Variants in AQP2 observed in about 807,000 individuals in gnomAD.
AQP2 encodes aquaporin 2.
AQP2 carries 20 observed loss-of-function variants against 21.6 expected under a neutral mutation model. That is an observed-to-expected ratio of 0.92 (90% CI 0.65 to 1.34). The LOEUF is 1.34. AQP2 is among the 40% of genes most tolerant of loss of function. The pLI, the probability that AQP2 is intolerant of heterozygous loss-of-function variation, is 0.00. For synonymous variants in AQP2, 168 were observed against 166.9 expected, an observed-to-expected ratio of 1.01 and a Z score of -0.05; for missense variants, 325 against 363.4, an observed-to-expected ratio of 0.89 and a Z score of 0.86.
At chr12:49,952,256 ACGCC>A (rs1947335735) in intron 1 of AQP2, among the ~76,000 whole-genome samples, 1 of 152,026 alleles carries the variant, frequency 6.6e-6, no homozygotes, top group Non-Finnish European at 1.5e-5. Flanking sequence ...ATGGGATTAC[ACGCC>A]TGTAATCCCA....
Position 49,957,449 on chromosome 12 carries a change from A to C in AQP2, c.*1841A>C, listed in dbSNP as rs1947380414. ...CCATGCCTTCAAGACTTCTGTCTGT[A>C]TCTATCTCACACTGCACCAAGCACC... On this transcript the variant is annotated 3_prime_UTR_variant, in exon 4 of 4. Transcript: ENST00000199280. The C allele has an allele frequency of 6.6e-6, 1 of 152,280 alleles. No homozygotes were observed. The highest frequency in any genetic ancestry group is 1.5e-5 in the Non-Finnish European group (1 of 68,188). 9.4% of individuals were successfully genotyped at this position (152,280 alleles called of 1,614,324 possible).
At chr12:49,952,101 G>C (rs545159975) in intron 1 of AQP2, 2 of 152,526 alleles carry the variant, frequency 1.3e-5, no homozygotes, top group South Asian at 4.2e-4. Context: ...GTGGGACAGA[G>C]GTATCCCAAT....
At chr12:49,951,553 A>T (rs1947330430) in intron 1 of AQP2, 1 of 273,540 alleles carries the variant, frequency 3.7e-6, no homozygotes, top group African/African-American at 2.2e-5. Context: ...GGAGCCTTGG[A>T]GTGATCATCA....
At chr12:49,951,398 A>C in intron 1 of AQP2, 1 of 720,530 alleles carries the variant, frequency 1.4e-6, no homozygotes, top group Non-Finnish European at 2.2e-6. Flanking sequence ...ATGCAGACAG[A>C]CTGCTGGCTT....
Position 49,951,034 on chromosome 12 carries a change from C to A in AQP2, c.204C>A (p.Asn68Lys). The change falls in exon 1 of 4, where the codon AAC becomes AAA. Residue 68 changes from asparagine to lysine, a missense_variant. Physicochemically the swap from Asn to Lys is moderately conservative, Grantham distance 94. Coordinates refer to ENST00000199280, the MANE Select transcript of AQP2 (RefSeq NM_000486.6). Reference sequence around the variant, plus strand: ...GCCACATAAGCGGGGCCCACATCAACCCTGCCGTGACTGTGGCCTGCCTGG... The same window carrying A: ...GCCACATAAGCGGGGCCCACATCAAACCTGCCGTGACTGTGGCCTGCCTGG... The part of the protein sequence containing the change: ...ALGHISGAHI[N>K]PAVTVACLVG... 6.2e-7 allele frequency: 1 copy of A among 1,614,000 alleles called. No homozygotes were observed. The highest frequency in any genetic ancestry group is 8.5e-7 in the Non-Finnish European group (1 of 1,180,030).
At chr12:49,951,388 A>G (rs988599869) in intron 1 of AQP2, 198 bp downstream of exon 1, 8 of 755,764 alleles carry the variant, frequency 1.1e-5, no homozygotes, top group Non-Finnish European at 1.6e-5. Flanking sequence ...GCAAAGCAGG[A>G]TGCAGACAGA....
rs1592814511 is a variant in AQP2, at chr12:49,950,850, T to C, written c.20T>C (p.Ile7Thr). The C allele has an allele frequency of 3.1e-6, 5 of 1,612,918 alleles. No individual in the cohort carries two copies. Among genetic ancestry groups the C allele is most frequent in the Non-Finnish European group, 4.2e-6 (5 of 1,179,092 alleles). The change falls in exon 1 of 4, where the codon ATA becomes ACA. Residue 7 changes from isoleucine (I) to threonine (T), a missense_variant. Transcript: ENST00000199280. The stretch of plus-strand genomic sequence containing the variant: ...TGCAGCATGTGGGAGCTCCGCTCCA[T>C]AGCCTTCTCCAGGGCTGTGTTCGCA... MWELRS[I>T]AFSRAVFAEF... is the part of the protein sequence containing the mutation.
chr12:49,952,452 G>C (rs925402122), intron 1 of AQP2, among the ~76,000 whole-genome samples: 10 of 152,190 alleles, frequency 6.6e-5, no homozygotes, highest in African/African-American at 2.4e-4. Context: ...GGGGCCAGGG[G>C]CCAAGGAAAG....
Position 49,955,465 on chromosome 12 carries a change from C to T in AQP2, c.673C>T (p.Pro225Ser). 1 of 1,612,840 alleles carries T rather than the reference C, an allele frequency of 6.2e-7. No individual in the cohort carries two copies. The highest frequency in any genetic ancestry group is 8.5e-7 in the Non-Finnish European group (1 of 1,179,840). The stretch of plus-strand genomic sequence containing the variant: ...CCTCCTCTACAACTACGTGCTGTTT[C>T]CGCCAGCCAAGAGCCTGTCGGAGCG... Reference protein sequence around the residue: ...GSLLYNYVLFPPAKSLSERLA... With the variant: ...GSLLYNYVLFSPAKSLSERLA... The change falls in exon 4 of 4, where the codon CCG becomes TCG. Residue 225 changes from proline (P) to serine (S), a missense_variant. Physicochemically the swap from Pro to Ser is moderately conservative, Grantham distance 74. Coordinates refer to ENST00000199280, the MANE Select transcript of AQP2 (RefSeq NM_000486.6).
chr12:49,951,373 C>T (rs1321514856), intron 1 of AQP2, 183 bp downstream of exon 1: 3 of 836,540 alleles, frequency 3.6e-6, no homozygotes, highest in African/African-American at 3.4e-5. Flanking sequence ...AGCAATGATA[C>T]CAGAGCAAAG....
rs957793258 is a variant in AQP2, at chr12:49,955,807, C to G, written c.*199C>G. The G allele has an allele frequency of 3.9e-6, 3 of 769,488 alleles. No individual in the cohort carries two copies. The South Asian group carries it at 4.4e-5, about 11-fold the overall frequency. 47.7% of individuals were successfully genotyped at this position (769,488 alleles called of 1,614,324 possible). On this transcript the variant is annotated 3_prime_UTR_variant, in exon 4 of 4. Coordinates refer to ENST00000199280, the MANE Select transcript of AQP2 (RefSeq NM_000486.6). The stretch of plus-strand genomic sequence containing the variant: ...GGAGGGAGCCCTGAGCCTGGCAGGT[C>G]CCCTGCCCTGAGGCTGTGAGCAGCT...
chr12:49,954,679 C>T lies in AQP2; in HGVS notation c.575C>T (p.Ala192Val), dbSNP rs760109597. 1.2e-6 allele frequency: 2 copies of T among 1,614,084 alleles called. No individual in the cohort carries two copies. Among genetic ancestry groups the T allele is most frequent in the African/African-American group, 1.3e-5 (1 of 74,916 alleles). ...AATCCTGCCCGCTCCCTGGCTCCAG[C>T]TGTCGTCACTGGCAAATTTGATGAC... ...SMNPARSLAP[A>V]VVTGKFDDHW... The change falls in exon 3 of 4, where the codon GCT (alanine) becomes GTT (valine). Residue 192 changes from alanine (A) to valine (V), a missense_variant. By Grantham distance (64) the Ala-to-Val change is moderately conservative. Coordinates refer to ENST00000199280, the MANE Select transcript of AQP2 (RefSeq NM_000486.6).
At chr12:49,951,842 A>G (rs461937) in intron 1 of AQP2, 137,931 of 152,516 alleles carry the variant, frequency 0.9, 64,022 homozygotes, top group East Asian at 1. Flanking sequence ...TCCCCTCTCA[A>G]GTCTGTGTGG....
Position 49,957,057 on chromosome 12 carries a change from A to G in AQP2, c.*1449A>G, listed in dbSNP as rs1156231413. On this transcript the variant is annotated 3_prime_UTR_variant, in exon 4 of 4. Transcript: ENST00000199280. Reference sequence around the variant, plus strand: ...TGACGCATGTAAAGATGCTGTGTAAACTGTAATTCTTAATACCATTATCAC... The same window carrying G: ...TGACGCATGTAAAGATGCTGTGTAAGCTGTAATTCTTAATACCATTATCAC... 1 of 152,658 alleles carries G rather than the reference A, an allele frequency of 6.6e-6. No homozygotes were observed. The highest frequency in any genetic ancestry group is 1.5e-5 in the Non-Finnish European group (1 of 68,042). 9.5% of individuals were successfully genotyped at this position (152,658 alleles called of 1,614,324 possible). A position where few individuals can be genotyped will look rare whatever the true frequency, so the allele number is the denominator to read the frequency against.
chr12:49,953,998 G>C, intron 1 of AQP2, 157 bp from the exon 2 acceptor site: 1 of 1,061,106 alleles, frequency 9.4e-7, no homozygotes, highest in Non-Finnish European at 1.4e-6. Context: ...CCAGGAAGAA[G>C]GGATCAGTCG....
At chr12:49,951,231 T>A (rs1356176173) in intron 1 of AQP2, 41 bp downstream of exon 1, 1 of 1,575,456 alleles carries the variant, frequency 6.3e-7, no homozygotes. Context: ...GGGCAGGTCC[T>A]GGGGAATCCC....
chr12:49,954,465 C>T, intron 2 of AQP2, 146 bp downstream of exon 2: 1 of 1,198,704 alleles, frequency 8.3e-7, no homozygotes, highest in South Asian at 1.3e-5. Context: ...CTAGATACCC[C>T]AGAGGGACAG....
chr12:49,955,297 C>A (rs1947358338), intron 3 of AQP2, 102 bp from the exon 4 acceptor site: 2 of 1,157,928 alleles, frequency 1.7e-6, no homozygotes, highest in Non-Finnish European at 2.4e-6. Flanking sequence ...AGATTAATGT[C>A]GGGGAGGAGA....
At chr12:49,951,493 T>C (rs1947329612) in intron 1 of AQP2, 1 of 416,788 alleles carries the variant, frequency 2.4e-6, no homozygotes. Flanking sequence ...GACAGGGCTA[T>C]ACCTCAGCAG....
Sources: gnomAD v4.1 joint callset for allele counts (sites outside exome capture counted in the v4.1 genomes callset) on GRCh38, gnomAD v4.1.1 for gene constraint, MANE v1.5 for transcripts, NCBI Gene and HGNC (gene_info 2026-07-23, HGNC 2026-07-21) for gene names.